CR1: variants seen among roughly 807,000 people sequenced by gnomAD.
The protein encoded by CR1 is complement receptor type 1.
A neutral mutation model predicts 187.3 loss-of-function variants in CR1; 116 were observed. The observed-to-expected ratio is 0.62, with a 90% CI of 0.53 to 0.72. CR1 has a LOEUF of 0.72. CR1 is among the 30% of genes least tolerant of loss of function. CR1 has a pLI of 0.00. For synonymous variants in CR1, 576 were observed against 747.1 expected (o/e 0.77, Z 3.73); for missense variants, 1,731 against 2,110.7 (o/e 0.82, Z 3.52).
chr1:207,512,442 G>A (rs1188053147), intron 4 of CR1, among the ~76,000 whole-genome samples: 3 of 152,144 alleles, frequency 2.0e-5, no homozygotes. Flanking sequence ...TCAGATGAAT[G>A]GCATATATGG....
chr1:207,515,660 T>C (rs557253413), intron 4 of CR1, among the ~76,000 whole-genome samples: 112 of 152,328 alleles, frequency 7.4e-4, no homozygotes, highest in Admixed American at 2.0e-3. Flanking sequence ...TTGTATTTCA[T>C]TGATGATCTT....
intron 5 of CR1, among the ~76,000 whole-genome samples, chr1:207,524,658 G>C (rs1010431665): frequency 2.0e-4 from 30 of 151,992 alleles, no homozygotes; most frequent in African/African-American, 2.7e-4. Flanking sequence ...AAAGTGCTGG[G>C]ATTATAGGCA....
chr1:207,566,017 CTAGTCT>C, intron 24 of CR1, 94 bp downstream of exon 24: 1 of 1,491,416 alleles, frequency 6.7e-7, no homozygotes, highest in Non-Finnish European at 9.2e-7. Flanking sequence ...CTTCAATATT[CTAGTCT>C]TAATTATCGA....
Position 207,587,419 on chromosome 1 carries a change from C to G in CR1, c.5564C>G (p.Ala1855Gly). 1 of 1,613,752 alleles carries G rather than the reference C, an allele frequency of 6.2e-7. No homozygotes were observed. Among genetic ancestry groups the G allele is most frequent in the Non-Finnish European group, 8.5e-7 (1 of 1,179,702 alleles). Reference sequence around the variant, plus strand: ...AAAACCCCAGAGCAGTTTCCATTTGCCAGTCCTACGATCCCAATTAATGAC... The same window carrying G: ...AAAACCCCAGAGCAGTTTCCATTTGGCAGTCCTACGATCCCAATTAATGAC... Reference protein sequence around the residue: ...HCKTPEQFPFASPTIPINDFE... With the variant: ...HCKTPEQFPFGSPTIPINDFE... Residue 1855 changes from alanine to glycine, a missense_variant, in exon 34 of 47, where the codon GCC becomes GGC. This residue lies in a region of CR1 where 1,312 missense variants were observed against 1,379.6 expected (regional missense o/e 0.95). Coordinates refer to ENST00000367049, the MANE Select transcript of CR1 (RefSeq NM_000651.6).
intron 4 of CR1, among the ~76,000 whole-genome samples, chr1:207,514,992 T>TACACACAC (rs764790629): frequency 1.2e-3 from 139 of 116,192 alleles, no homozygotes; most frequent in African/African-American, 3.3e-3. Context: ...TATATATATA[T>TACACACAC]ATACACACAC....
intron 1 of CR1, among the ~76,000 whole-genome samples, chr1:207,502,391 T>C (rs1659298417): frequency 6.6e-6 from 1 of 152,080 alleles, no homozygotes; most frequent in Non-Finnish European, 1.5e-5. Context: ...AGGCTTCAGA[T>C]GAGATTGGGT....
intron 4 of CR1, among the ~76,000 whole-genome samples, chr1:207,521,055 C>T (rs1250841403): frequency 7.1e-6 from 1 of 140,470 alleles, no homozygotes; most frequent in Non-Finnish European, 1.5e-5. Context: ...CGGCTCACTG[C>T]AACCTCCGCC....
At chr1:207,577,681 G>T in intron 28 of CR1, 124 bp from the exon 29 acceptor site, 2 of 1,456,858 alleles carry the variant, frequency 1.4e-6, no homozygotes, top group African/African-American at 2.8e-5. Flanking sequence ...GAGGTGGGAG[G>T]ATTGCTTGAC....
rs1251492287 is a variant in CR1 at position 207,620,124 on chromosome 1, C to T, written c.7252+59C>T. The T allele has an allele frequency of 4.6e-6, 7 of 1,519,232 alleles. 1 individual carries two copies. In the Admixed American group the frequency reaches 1.2e-4, roughly 26 times the overall value. 94.1% of individuals were successfully genotyped at this position (1,519,232 alleles called of 1,614,324 possible). On this transcript the variant is annotated intron_variant, in intron 43 of 46. Coordinates refer to ENST00000367049, the MANE Select transcript of CR1 (RefSeq NM_000651.6). ...CGGTCATGGTTATTGCTCATTCATT[C>T]ATCCATATTGGCATCAAGTGTAGTG...
chr1:207,544,729 G>C (rs1175402703), intron 13 of CR1, among the ~76,000 whole-genome samples: 1 of 148,428 alleles, frequency 6.7e-6, no homozygotes, highest in Non-Finnish European at 1.5e-5. Context: ...TGACTAGGCA[G>C]CACCTTGCTA....
Position 207,511,621 on chromosome 1 carries a change from G to T in CR1, c.454G>T (p.Val152Phe). Residue 152 changes from valine (V) to phenylalanine (F), a missense_variant, in exon 4 of 47, where the codon GTC becomes TTC. This residue lies in a region of CR1 where 237 missense variants were observed against 240.4 expected (regional missense o/e 0.99). Transcript: ENST00000367049. Reference sequence around the variant, plus strand: ...CACATGCATCATCTCAGGTGATACTGTCATTTGGGATAATGAAACACCTAT... The same window carrying T: ...CACATGCATCATCTCAGGTGATACTTTCATTTGGGATAATGAAACACCTAT... ...SATCIISGDTVIWDNETPICD... is the reference protein window; with the variant it reads ...SATCIISGDTFIWDNETPICD... 6.2e-7 allele frequency: 1 copy of T among 1,613,270 alleles called. No individual in the cohort carries two copies.
At chr1:207,525,813 G>A (rs1229050753) in intron 5 of CR1, among the ~76,000 whole-genome samples, 1 of 152,028 alleles carries the variant, frequency 6.6e-6, no homozygotes, top group African/African-American at 2.4e-5. Flanking sequence ...AACACTGGGT[G>A]ATGAGCCCTG....
intron 3 of CR1, among the ~76,000 whole-genome samples, chr1:207,511,205 A>G (rs901054004): frequency 8.5e-5 from 13 of 152,200 alleles, no homozygotes; most frequent in African/African-American, 2.9e-4. Flanking sequence ...AAAGAAATAC[A>G]TACAACAGGA....
intron 33 of CR1, among the ~76,000 whole-genome samples, chr1:207,585,331 C>T (rs566026754): frequency 6.6e-6 from 1 of 152,182 alleles, no homozygotes; most frequent in African/African-American, 2.4e-5. Context: ...TAGTGTTCTG[C>T]TGCATGGGCT....
At position 207,634,299 on chromosome 1, in the gene CR1, C is replaced by T. The variant is rs749781005; in HGVS notation, c.7457+3678C>T. 2.2e-4 allele frequency among the ~76,000 whole-genome samples: 34 copies of T among 152,232 alleles called. 1 individual carries two copies. Among genetic ancestry groups the T allele is most frequent in the African/African-American group, 5.1e-4 (21 of 41,520 alleles). Reference sequence around the variant, plus strand: ...TGTACACTGACTACTGATCACTTTTCGGTAGGTATAAAGTCCTTAAAAATT... The same window carrying T: ...TGTACACTGACTACTGATCACTTTTTGGTAGGTATAAAGTCCTTAAAAATT... On this transcript the variant is annotated intron_variant, in intron 46 of 46. Transcript: ENST00000367049.
chr1:207,578,050 A>C lies in CR1; in HGVS notation c.4783A>C (p.Asn1595His). 6.2e-7 allele frequency: 1 copy of C among 1,611,644 alleles called. No individual in the cohort carries two copies. The highest frequency in any genetic ancestry group is 8.5e-7 in the Non-Finnish European group (1 of 1,179,532). The change falls in exon 29 of 47, where the codon AAT (asparagine) becomes CAT (histidine). Residue 1595 changes from asparagine to histidine, a missense_variant. By Grantham distance (68) the Asn-to-His change is moderately conservative. Coordinates refer to ENST00000367049, the MANE Select transcript of CR1 (RefSeq NM_000651.6). ...CAAATGCACGCCTCCAAATGTGGAAAATGGAATATTGGTATCTGACAACAG... is the reference window on the plus strand; with the variant it reads ...CAAATGCACGCCTCCAAATGTGGAACATGGAATATTGGTATCTGACAACAG... ...PNKCTPPNVE[N>H]GILVSDNRSL...
rs761231049 is a variant in CR1, at chr1:207,567,976, C to A, written c.4105C>A (p.Arg1369Ser). The change falls in exon 25 of 47, where the codon CGC becomes AGC. Residue 1369 changes from arginine to serine, a missense_variant. By Grantham distance (110) the Arg-to-Ser change is moderately radical. Transcript: ENST00000367049. ...SFDLIGESTI[R>S]CTSDPQGNGV... ...CGACCTCATTGGAGAGAGCACCATC[C>A]GCTGCACAAGTGACCCTCAAGGGAA... 6.2e-7 allele frequency: 1 copy of A among 1,610,436 alleles called. No individual in the cohort carries two copies. The highest frequency in any genetic ancestry group is 1.1e-5 in the South Asian group (1 of 91,030).
At chr1:207,638,361 T>C (rs1448615676) in intron 46 of CR1, among the ~76,000 whole-genome samples, 1 of 152,258 alleles carries the variant, frequency 6.6e-6, no homozygotes, top group African/African-American at 2.4e-5. Flanking sequence ...TATCTGGCCC[T>C]AAACAATGTA....
At position 207,580,428 on chromosome 1, in the gene CR1, C is replaced by G. The variant is rs1660898004; in HGVS notation, c.5113+12C>G. 6.2e-7 allele frequency: 1 copy of G among 1,612,014 alleles called. No homozygotes were observed. The highest frequency in any genetic ancestry group is 8.5e-7 in the Non-Finnish European group (1 of 1,179,140). On this transcript the variant is annotated intron_variant, in intron 30 of 46. Coordinates refer to ENST00000367049, the MANE Select transcript of CR1 (RefSeq NM_000651.6). ...CCCGAGATGTGCAGGTGCCTCAACT[C>G]TCTGGCTTCCAGATTTCTCTCTTTA...
Sources: allele counts gnomAD v4.1 joint callset (sites outside exome capture counted in the v4.1 genomes callset), GRCh38; gene constraint gnomAD v4.1.1; regional missense constraint gnomAD v4.1.1; transcripts MANE v1.5; gene names NCBI Gene and HGNC (gene_info 2026-07-23, HGNC 2026-07-21).